Variants in SPECC1L observed in about 807,000 individuals in gnomAD.
SPECC1L encodes sperm antigen with calponin homology and coiled-coil domains 1 like.
SPECC1L carries 40 observed loss-of-function variants against 116.8 expected under a neutral mutation model. The observed-to-expected ratio is 0.34, with a 90% CI of 0.27 to 0.45. The LOEUF is 0.45. Ranked by LOEUF, SPECC1L falls within the 20% of genes least tolerant of loss-of-function variation. The pLI is 1.00. For synonymous variants in SPECC1L, 504 were observed against 500.6 expected (o/e 1.01, Z -0.09); for missense variants, 1,110 against 1,373.6 (o/e 0.81, Z 3.03).
intron 14 of SPECC1L, among the ~76,000 whole-genome samples, chr22:24,393,930 C>G (rs1268242757): frequency 6.6e-6 from 1 of 152,172 alleles, no homozygotes; most frequent in East Asian, 1.9e-4. Flanking sequence ...TAAATAGAAT[C>G]ATAGTGTGTA....
chr22:24,336,076 A>C (rs1049307622), intron 9 of SPECC1L, among the ~76,000 whole-genome samples: 2 of 152,016 alleles, frequency 1.3e-5, no homozygotes, highest in African/African-American at 4.8e-5. Context: ...CTACTAAAAG[A>C]ATTAAGACAG....
intron 6 of SPECC1L, among the ~76,000 whole-genome samples, chr22:24,328,508 A>G (rs59086192): frequency 0.012 from 1,874 of 152,310 alleles, 33 homozygotes; most frequent in African/African-American, 0.043. Flanking sequence ...ACTTGTGATT[A>G]AAAGTTCATA....
At chr22:24,342,831 C>T (rs1331155681) in intron 10 of SPECC1L, among the ~76,000 whole-genome samples, 3 of 151,814 alleles carry the variant, frequency 2.0e-5, no homozygotes, top group Non-Finnish European at 4.4e-5. Context: ...TCCTACATAC[C>T]TGAAATTGGA....
chr22:24,278,572 G>A (rs3966271), intron 2 of SPECC1L, among the ~76,000 whole-genome samples: 3 of 152,146 alleles, frequency 2.0e-5, no homozygotes, highest in East Asian at 1.9e-4. Flanking sequence ...TGCTCTAAGC[G>A]TTAAAGAAAA....
chr22:24,397,827 T>C (rs2042397027), intron 14 of SPECC1L, among the ~76,000 whole-genome samples: 1 of 152,234 alleles, frequency 6.6e-6, no homozygotes, highest in African/African-American at 2.4e-5. Context: ...ACTTTGTTTC[T>C]GGATGGAGTT....
chr22:24,273,238 A>G (rs2048764472), intron 1 of SPECC1L, among the ~76,000 whole-genome samples: 1 of 152,242 alleles, frequency 6.6e-6, no homozygotes, highest in Non-Finnish European at 1.5e-5. Context: ...AAGTGATAGT[A>G]TCAAAATTAC....
In SPECC1L at chr22:24,288,615, C is replaced by CTTTTTTTTTTTTTTTTTTTT. The variant is rs756714389; in HGVS notation, c.-38+11822_-38+11841dup. 6.5e-5 allele frequency among the ~76,000 whole-genome samples: 4 copies of CTTTTTTTTTTTTTTTTTTTT among 61,678 alleles called. 1 individual carries two copies. The highest frequency in any genetic ancestry group is 2.8e-4 in the African/African-American group (4 of 14,450). 40.5% of individuals were successfully genotyped at this position (61,678 alleles called of 152,430 possible). On this transcript the variant is annotated intron_variant, in intron 2 of 16. Coordinates refer to ENST00000314328, the MANE Select transcript of SPECC1L (RefSeq NM_015330.6). The stretch of plus-strand genomic sequence containing the variant: ...GACTTCTCAAATCCAAAATTTTAAG[C>CTTTTTTTTTTTTTTTTTTTT]TTTTTTTTTTTTTTTTTTTTTTTTT...
At chr22:24,316,721 C>T (rs2040576452) in intron 4 of SPECC1L, among the ~76,000 whole-genome samples, 1 of 149,870 alleles carries the variant, frequency 6.7e-6, no homozygotes, top group African/African-American at 2.5e-5. Flanking sequence ...TCAATCTTTT[C>T]CCCACCTTTC....
At chr22:24,402,870 G>A (rs2042506973) in intron 14 of SPECC1L, among the ~76,000 whole-genome samples, 1 of 152,196 alleles carries the variant, frequency 6.6e-6, no homozygotes, top group Admixed American at 6.5e-5. Flanking sequence ...AAAACATTTA[G>A]AGATCTTTTA....
chr22:24,365,811 TA>T (rs1424562261), intron 13 of SPECC1L, among the ~76,000 whole-genome samples, 179 bp downstream of exon 13: 1 of 152,126 alleles, frequency 6.6e-6, no homozygotes, highest in Non-Finnish European at 1.5e-5. Flanking sequence ...ACTGACAAAT[TA>T]AAAATGATAG....
intron 1 of SPECC1L, among the ~76,000 whole-genome samples, chr22:24,273,555 T>G (rs2048772035): frequency 1.3e-5 from 2 of 152,218 alleles, no homozygotes; most frequent in African/African-American, 4.8e-5. Context: ...CTTGTTTTCC[T>G]GCTGCTGTTA....
At chr22:24,361,580 A>T (rs2041644369) in intron 11 of SPECC1L, among the ~76,000 whole-genome samples, 1 of 152,044 alleles carries the variant, frequency 6.6e-6, no homozygotes, top group South Asian at 2.1e-4. Context: ...TGAACCCAGG[A>T]GGCTCAAGAG....
chr22:24,361,829 CGAGA>C (rs550884934), intron 11 of SPECC1L, among the ~76,000 whole-genome samples: 11 of 137,878 alleles, frequency 8.0e-5, no homozygotes, highest in African/African-American at 2.5e-4. Context: ...AAACAAAAAA[CGAGA>C]GAGAGAGAAA....
At chr22:24,394,574 T>C (rs2042331911) in intron 14 of SPECC1L, among the ~76,000 whole-genome samples, 1 of 152,228 alleles carries the variant, frequency 6.6e-6, no homozygotes, top group East Asian at 1.9e-4. Context: ...TGCTGGATCA[T>C]GTGGTAGGTA....
chr22:24,407,539 G>C (rs1486333461), intron 14 of SPECC1L, among the ~76,000 whole-genome samples: 1 of 152,218 alleles, frequency 6.6e-6, no homozygotes, highest in Non-Finnish European at 1.5e-5. Context: ...AGCAGAAGGG[G>C]CGGCTGCGGC....
Position 24,302,271 on chromosome 22 carries a change from G to A in SPECC1L, c.40G>A (p.Val14Met). The A allele has an allele frequency of 6.2e-7, 1 of 1,614,118 alleles. No individual in the cohort carries two copies. Among genetic ancestry groups the A allele is most frequent in the East Asian group, 2.2e-5 (1 of 44,876 alleles). Residue 14 changes from valine (V) to methionine (M), a missense_variant, in exon 3 of 17, where the codon GTG becomes ATG. Coordinates refer to ENST00000314328, the MANE Select transcript of SPECC1L (RefSeq NM_015330.6). ...CAGGAGTGTTGGCTCAGTGCCTAAA[G>A]TGTCTGCAATAAGTAAAACGCAAAC... ...ASRSVGSVPK[V>M]SAISKTQTAE... is the part of the protein sequence containing the mutation.
chr22:24,343,613 A>G (rs2041227033), intron 10 of SPECC1L: 1 of 295,922 alleles, frequency 3.4e-6, no homozygotes, highest in Non-Finnish European at 6.8e-6. Context: ...GGTGCGTACC[A>G]TGGTGCCTGG....
At chr22:24,411,222 AG>A (rs34730325) in intron 14 of SPECC1L, among the ~76,000 whole-genome samples, 3 of 151,630 alleles carry the variant, frequency 2.0e-5, no homozygotes, top group Admixed American at 6.6e-5. Flanking sequence ...AAAACAAAAA[AG>A]GGGGGGTCAT....
chr22:24,272,718 CA>C lies in SPECC1L; in HGVS notation c.-142+1738del, dbSNP rs746059809. On this transcript the variant is annotated intron_variant, in intron 1 of 16. Transcript: ENST00000314328. ...ATATACATGTATGTTGTAAAATAAC[CA>C]AACCAACATAGAAGGGTATATAGTG... Among the ~76,000 whole-genome samples the C allele has an allele frequency of 6.9e-4, 104 of 150,562 alleles. 1 individual carries two copies. The East Asian group carries it at 0.018, about 26-fold the overall frequency.
Sources: allele counts gnomAD v4.1 joint callset (sites outside exome capture counted in the v4.1 genomes callset), GRCh38; gene constraint gnomAD v4.1.1; transcripts MANE v1.5; gene names NCBI Gene and HGNC (gene_info 2026-07-23, HGNC 2026-07-21).